The following PARD3B variants were observed in gnomAD, a reference collection of about 807,000 sequenced individuals.
PARD3B encodes par-3 family cell polarity regulator beta, also known as partitioning defective 3 homolog B.
In PARD3B, 103 loss-of-function variants were observed where a neutral mutation model predicts 130.2. The observed-to-expected ratio is 0.79, with a 90% CI of 0.67 to 0.93. The LOEUF is 0.93. PARD3B is among the 40% of genes least tolerant of loss of function. The pLI, the probability that PARD3B is intolerant of heterozygous loss-of-function variation, is 0.00. For synonymous variants in PARD3B, 583 were observed against 553.2 expected (o/e 1.05, Z -0.76); for missense variants, 1,609 against 1,499.2 (o/e 1.07, Z -1.21).
intron 3 of PARD3B, among the ~76,000 whole-genome samples, chr2:204,984,823 C>T (rs1692990360): frequency 6.6e-6 from 1 of 151,994 alleles, no homozygotes; most frequent in Non-Finnish European, 1.5e-5. Context: ...GTGTGAATAC[C>T]GAGCTTAAGT....
At chr2:205,238,906 A>ATATG (rs2039223578) in intron 15 of PARD3B, among the ~76,000 whole-genome samples, 1 of 128,974 alleles carries the variant, frequency 7.8e-6, no homozygotes, top group Non-Finnish European at 1.6e-5. Context: ...ATATATATAT[A>ATATG]TATGTATGTG....
At chr2:204,654,689 G>A (rs2035587261) in intron 1 of PARD3B, among the ~76,000 whole-genome samples, 2 of 152,176 alleles carry the variant, frequency 1.3e-5, no homozygotes, top group South Asian at 4.1e-4. Context: ...CTTCTTGAGG[G>A]AAGTGTTTTA....
rs113853043 is a variant in PARD3B, at chr2:204,637,674, A to G, written c.121-48507A>G. ...TATTACTCGTGATTTACATTTCTGG[A>G]TAGCCTTCTATAAAGGCTATAATAG... On this transcript the variant is annotated intron_variant, in intron 1 of 22. Transcript: ENST00000406610. 9.4e-3 allele frequency among the ~76,000 whole-genome samples: 1,432 copies of G among 151,878 alleles called. 21 individuals are homozygous for G. Among genetic ancestry groups the G allele is most frequent in the African/African-American group, 0.033 (1,363 of 41,422 alleles).
intron 19 of PARD3B, among the ~76,000 whole-genome samples, chr2:205,431,378 G>A (rs114220089): frequency 0.012 from 1,851 of 152,090 alleles, 12 homozygotes; most frequent in Non-Finnish European, 0.021. Flanking sequence ...TGCCCAGCCC[G>A]AAACTTGATA....
At chr2:205,297,530 G>A (rs1160639172) in intron 16 of PARD3B, among the ~76,000 whole-genome samples, 1 of 152,124 alleles carries the variant, frequency 6.6e-6, no homozygotes, top group Non-Finnish European at 1.5e-5. Context: ...TTACACAGCA[G>A]GTAACCTTGA....
Position 205,125,681 on chromosome 2 carries a change from G to C in PARD3B, c.1378G>C (p.Glu460Gln), listed in dbSNP as rs982989932. 1.2e-6 allele frequency: 2 copies of C among 1,614,148 alleles called. No homozygotes were observed. Among genetic ancestry groups the C allele is most frequent in the Non-Finnish European group, 1.7e-6 (2 of 1,180,036 alleles). ...VAMLRSTKQG[E>Q]TASLVIARQE... ...CATGCTCAGGAGCACCAAGCAGGGG[G>C]AGACAGCATCGCTGGTCATTGCCCG... Residue 460 changes from glutamate to glutamine, a missense_variant, in exon 10 of 23, where the codon GAG (glutamate) becomes CAG (glutamine). Glu to Gln is a conservative substitution (Grantham distance 29, BLOSUM62 2). Coordinates refer to ENST00000406610, the MANE Select transcript of PARD3B (RefSeq NM_001302769.2). This position sits in a 1 kb window ranked among gnomAD's most constrained non-coding sequence, Gnocchi z 4.0.
chr2:205,383,875 A>G (rs184134655), intron 18 of PARD3B, among the ~76,000 whole-genome samples: 1 of 152,178 alleles, frequency 6.6e-6, no homozygotes, highest in East Asian at 1.9e-4. Context: ...CCGTGTGAGT[A>G]GTATACTGTT....
rs191519103 is a variant in PARD3B at position 205,204,664 on chromosome 2, G to A, written c.2140+11344G>A. 1.8e-3 allele frequency among the ~76,000 whole-genome samples: 270 copies of A among 151,976 alleles called. 1 individual carries two copies. Among genetic ancestry groups the A allele is most frequent in the Admixed American group, 3.2e-3 (49 of 15,240 alleles). ...AAGGAGTCCAGTTTCAGTTTTCTGC[G>A]TGTGGCTAGCAATTTTCCCAACACC... On this transcript the variant is annotated intron_variant, in intron 15 of 22. Coordinates refer to ENST00000406610, the MANE Select transcript of PARD3B (RefSeq NM_001302769.2).
intron 3 of PARD3B, among the ~76,000 whole-genome samples, chr2:205,022,720 G>A (rs1249775304): frequency 6.6e-6 from 1 of 152,080 alleles, no homozygotes; most frequent in South Asian, 2.1e-4. Context: ...ACCTGTTTTG[G>A]GGCTCAACTC....
chr2:205,498,391 A>G (rs1199078001), intron 20 of PARD3B, among the ~76,000 whole-genome samples: 4 of 151,852 alleles, frequency 2.6e-5, no homozygotes, highest in Non-Finnish European at 5.9e-5. Context: ...AGTCCTAGCT[A>G]CTGGAGAGGC....
At chr2:204,763,177 C>T (rs2040984817) in intron 2 of PARD3B, among the ~76,000 whole-genome samples, 1 of 152,208 alleles carries the variant, frequency 6.6e-6, no homozygotes, top group Non-Finnish European at 1.5e-5. Flanking sequence ...AGGGCTTGAC[C>T]TACCAGGGAC....
intron 2 of PARD3B, among the ~76,000 whole-genome samples, chr2:204,753,407 C>G (rs906894680): frequency 6.6e-6 from 1 of 152,054 alleles, no homozygotes; most frequent in Non-Finnish European, 1.5e-5. Context: ...GTTCTTTGAT[C>G]TTATAGCTAA....
At chr2:205,042,776 A>G (rs1559381404) in intron 3 of PARD3B, among the ~76,000 whole-genome samples, 1 of 151,852 alleles carries the variant, frequency 6.6e-6, no homozygotes, top group Non-Finnish European at 1.5e-5. Flanking sequence ...TTTCTGAAAG[A>G]TAACTTGAGA....
At chr2:205,334,313 G>A (rs2043235247) in intron 18 of PARD3B, among the ~76,000 whole-genome samples, 1 of 152,142 alleles carries the variant, frequency 6.6e-6, no homozygotes, top group Admixed American at 6.5e-5. Flanking sequence ...AAGCTACTTT[G>A]TAGATTTTAA....
chr2:205,521,243 A>G (rs943658491), intron 21 of PARD3B, among the ~76,000 whole-genome samples: 1 of 151,910 alleles, frequency 6.6e-6, no homozygotes, highest in African/African-American at 2.4e-5. Context: ...TCATTTCTTA[A>G]TTACAACTGA....
chr2:204,980,044 A>G (rs1012631053), intron 3 of PARD3B, among the ~76,000 whole-genome samples: 5 of 152,246 alleles, frequency 3.3e-5, no homozygotes, highest in Admixed American at 1.3e-4. Context: ...AAGAAAAGCC[A>G]TAGATTCTAT....
intron 18 of PARD3B, among the ~76,000 whole-genome samples, chr2:205,375,054 A>G (rs1345840405): frequency 1.3e-5 from 2 of 152,304 alleles, no homozygotes; most frequent in East Asian, 3.9e-4. Flanking sequence ...TAACCCCATA[A>G]TGTAATTAGG....
At chr2:205,475,314 A>C (rs2048988697) in intron 20 of PARD3B, among the ~76,000 whole-genome samples, 1 of 152,132 alleles carries the variant, frequency 6.6e-6, no homozygotes, top group South Asian at 2.1e-4. Flanking sequence ...ATGTGTTGCA[A>C]AGGAAACCCC....
intron 2 of PARD3B, among the ~76,000 whole-genome samples, chr2:204,846,494 G>A (rs866980471): frequency 9.2e-5 from 14 of 151,864 alleles, no homozygotes; most frequent in South Asian, 4.2e-4. Context: ...AAGTTCATAC[G>A]TTGAAGCATT....
Sources: gnomAD v4.1 joint callset for allele counts (sites outside exome capture counted in the v4.1 genomes callset) on GRCh38, gnomAD v4.1.1 for gene constraint, Gnocchi (gnomAD v3.1) non-coding constraint, MANE v1.5 for transcripts, NCBI Gene and HGNC (gene_info 2026-07-23, HGNC 2026-07-21) for gene names.